The following GLI2 variants were observed in gnomAD, a reference collection of about 807,000 sequenced individuals.
GLI2 encodes the protein transcription activator GLI2.
GLI2 carries 22 observed loss-of-function variants against 78.9 expected under a neutral mutation model. The observed-to-expected ratio is 0.28, with a 90% CI of 0.20 to 0.40. The LOEUF is 0.40. GLI2 is among the 10% of genes least tolerant of loss of function. The probability of loss-of-function intolerance (pLI) is 1.00; values close to 1 mark genes in which losing one functional copy is unlikely to be tolerated. For missense variants in GLI2, 2,097 were observed against 2,213.2 expected (o/e 0.95, Z 1.05); for synonymous variants, 974 against 963.7 (o/e 1.01, Z -0.20).
intron 1 of GLI2, among the ~76,000 whole-genome samples, chr2:120,760,716 G>A (rs1304154173): frequency 6.6e-6 from 1 of 152,158 alleles, no homozygotes; most frequent in African/African-American, 2.4e-5. Context: ...CTCAGGCCTC[G>A]TCTCTGTCTC....
chr2:120,899,396 TAC>T (rs1298970169), intron 2 of GLI2, among the ~76,000 whole-genome samples: 4 of 110,408 alleles, frequency 3.6e-5, no homozygotes, highest in Non-Finnish European at 6.6e-5. Flanking sequence ...CACTTGTGTG[TAC>T]ACACACATAC....
At chr2:120,759,235 A>G (rs1167217362) in intron 1 of GLI2, among the ~76,000 whole-genome samples, 1 of 152,178 alleles carries the variant, frequency 6.6e-6, no homozygotes, top group Non-Finnish European at 1.5e-5. Flanking sequence ...TTCTGCCGTG[A>G]ATACCAGCTA....
chr2:120,817,191 C>T (rs1241873550), intron 2 of GLI2, among the ~76,000 whole-genome samples: 1 of 152,234 alleles, frequency 6.6e-6, no homozygotes, highest in Non-Finnish European at 1.5e-5. Flanking sequence ...TCCTCCTAAT[C>T]CCACATAGAT....
chr2:120,793,087 A>G (rs1301202989), intron 1 of GLI2, among the ~76,000 whole-genome samples: 1 of 152,246 alleles, frequency 6.6e-6, no homozygotes, highest in East Asian at 1.9e-4. Flanking sequence ...GGGAAGGCCC[A>G]GAAATGCTCC....
In GLI2 at chr2:120,779,284, C is replaced by G. The variant is rs558737869; in HGVS notation, c.-30-18007C>G. On this transcript the variant is annotated intron_variant, in intron 1 of 13. Transcript: ENST00000361492. ...GAAAGGCCAGCAGGTCCCATTGCCTCCTAAGACAGGCTGTGACATTTGAAA... is the reference window on the plus strand; with the variant it reads ...GAAAGGCCAGCAGGTCCCATTGCCTGCTAAGACAGGCTGTGACATTTGAAA... Among the ~76,000 whole-genome samples the G allele has an allele frequency of 1.2e-4, 18 of 152,288 alleles. No individual in the cohort carries two copies. The East Asian group carries it at 1.5e-3, about 13-fold the overall frequency.
intron 2 of GLI2, among the ~76,000 whole-genome samples, chr2:120,806,576 G>A (rs1298442462): frequency 2.0e-5 from 3 of 152,264 alleles, no homozygotes; most frequent in Admixed American, 6.5e-5. Flanking sequence ...AGGACTGGGC[G>A]CCATCAGCTC....
intron 2 of GLI2, among the ~76,000 whole-genome samples, chr2:120,813,999 G>T (rs908895826): frequency 5.9e-5 from 9 of 152,054 alleles, no homozygotes; most frequent in Admixed American, 1.3e-4. Context: ...GGGAGGCTAA[G>T]AGAGTCAGCT....
At chr2:120,777,934 T>G (rs1683730533) in intron 1 of GLI2, among the ~76,000 whole-genome samples, 1 of 152,024 alleles carries the variant, frequency 6.6e-6, no homozygotes, top group Non-Finnish European at 1.5e-5. Flanking sequence ...GCACGGAGAC[T>G]CACTGGGGGT....
chr2:120,896,852 A>G (rs1558865966), intron 2 of GLI2, among the ~76,000 whole-genome samples: 3 of 152,114 alleles, frequency 2.0e-5, no homozygotes, highest in South Asian at 2.1e-4. Flanking sequence ...TTTTTACCCT[A>G]TGTAGTTCTA....
chr2:120,990,706 G>A lies in GLI2; in HGVS notation c.*31G>A, dbSNP rs377195281. 218 of 1,582,616 alleles carry A rather than the reference G, an allele frequency of 1.4e-4. 2 individuals carry two copies. Among genetic ancestry groups the A allele is most frequent in the Middle Eastern group, 1.3e-3 (8 of 5,970 alleles). ...CGAGCGCCTGGTGCTGAGTGCACCC[G>A]GAGGGGTCATCGCTGCCCAGAGCCT... is the stretch of plus-strand genomic sequence containing the variant. On this transcript the variant is annotated 3_prime_UTR_variant, in exon 14 of 14. Coordinates refer to ENST00000361492, the MANE Select transcript of GLI2 (RefSeq NM_001374353.1).
intron 1 of GLI2, among the ~76,000 whole-genome samples, chr2:120,761,929 G>A (rs1429384156): frequency 1.3e-5 from 2 of 152,256 alleles, no homozygotes; most frequent in Non-Finnish European, 2.9e-5. Flanking sequence ...TCCAGAAAAG[G>A]GTTATTCCCC....
chr2:120,934,535 G>A (rs111778044), intron 3 of GLI2, among the ~76,000 whole-genome samples: 19 of 152,190 alleles, frequency 1.2e-4, no homozygotes, highest in Admixed American at 5.9e-4. Context: ...GAGGAGTGAC[G>A]AGGGGGCTCT....
At chr2:120,874,549 G>C (rs1404133306) in intron 2 of GLI2, among the ~76,000 whole-genome samples, 1 of 152,226 alleles carries the variant, frequency 6.6e-6, no homozygotes, top group Non-Finnish European at 1.5e-5. Context: ...GCTCCTGTCT[G>C]TGTAGACAGG....
intron 2 of GLI2, among the ~76,000 whole-genome samples, chr2:120,865,810 C>T (rs1270733837): frequency 6.6e-6 from 1 of 152,246 alleles, no homozygotes; most frequent in Non-Finnish European, 1.5e-5. Flanking sequence ...AACGCCTGCT[C>T]ATGCAGCCCC....
intron 2 of GLI2, among the ~76,000 whole-genome samples, chr2:120,849,554 G>A (rs1687304435): frequency 6.6e-6 from 1 of 152,190 alleles, no homozygotes; most frequent in Non-Finnish European, 1.5e-5. Context: ...GTGAGTATTG[G>A]ATCCTAGTGC....
Position 120,955,397 on chromosome 2 carries a change from C to T in GLI2, c.610C>T (p.Pro204Ser), listed in dbSNP as rs1280539932. 1.1e-5 allele frequency: 17 copies of T among 1,610,820 alleles called. No individual in the cohort carries two copies. Among genetic ancestry groups the T allele is most frequent in the Admixed American group, 1.7e-5 (1 of 59,812 alleles). The change falls in exon 5 of 14, where the codon CCC becomes TCC. Residue 204 changes from proline (P) to serine (S), a missense_variant. By Grantham distance (74) the Pro-to-Ser change is moderately conservative. Coordinates refer to ENST00000361492, the MANE Select transcript of GLI2 (RefSeq NM_001374353.1). ...GCAGAGCGGGGGCGCTGCCAGCGCACCCCATCTCCACGACTACCTCAACCC... is the reference window on the plus strand; with the variant it reads ...GCAGAGCGGGGGCGCTGCCAGCGCATCCCATCTCCACGACTACCTCAACCC... ...LMQSGGAASA[P>S]HLHDYLNPVD...
intron 3 of GLI2, among the ~76,000 whole-genome samples, chr2:120,932,096 C>T (rs1204269319): frequency 1.3e-5 from 2 of 152,176 alleles, no homozygotes; most frequent in African/African-American, 4.8e-5. Flanking sequence ...AAAATGGCCC[C>T]GTGGCTCTGG....
At chr2:120,895,946 C>T (rs1202172334) in intron 2 of GLI2, among the ~76,000 whole-genome samples, 1 of 152,188 alleles carries the variant, frequency 6.6e-6, no homozygotes, top group African/African-American at 2.4e-5. Flanking sequence ...CTATTTCTTG[C>T]TCATCACCTC....
intron 2 of GLI2, among the ~76,000 whole-genome samples, chr2:120,806,833 C>A (rs1228351998): frequency 6.6e-6 from 1 of 152,092 alleles, no homozygotes; most frequent in East Asian, 1.9e-4. Context: ...GTGTGGACAC[C>A]AGAGGGGGAT....
Sources: allele counts gnomAD v4.1 joint callset (sites outside exome capture counted in the v4.1 genomes callset), GRCh38; gene constraint gnomAD v4.1.1; transcripts MANE v1.5; gene names NCBI Gene and HGNC (gene_info 2026-07-23, HGNC 2026-07-21).